Variants in NUDT4 observed in about 807,000 individuals in gnomAD.
The protein encoded by NUDT4 is diphosphoinositol polyphosphate phosphohydrolase 2.
Under a neutral mutation model 23.1 loss-of-function variants are expected in NUDT4, and 5 were observed. The observed-to-expected ratio is 0.22, with a 90% CI of 0.11 to 0.46. NUDT4 has a LOEUF of 0.46. NUDT4 is among the 20% of genes least tolerant of loss of function. The pLI is 0.99. For synonymous variants in NUDT4, 50 were observed against 79.0 expected, an observed-to-expected ratio of 0.63 and a Z score of 1.95; for missense variants, 96 against 211.6, an observed-to-expected ratio of 0.45 and a Z score of 3.39.
intron 1 of NUDT4, among the ~76,000 whole-genome samples, chr12:93,390,553 C>A (rs1197667917): frequency 6.6e-6 from 1 of 151,796 alleles, no homozygotes; most frequent in Non-Finnish European, 1.5e-5. Context: ...TTTTAATTTT[C>A]TTTTTCTAAT....
chr12:93,389,642 C>T (rs1876342808), intron 1 of NUDT4, among the ~76,000 whole-genome samples: 1 of 151,734 alleles, frequency 6.6e-6, no homozygotes, highest in South Asian at 2.1e-4. Context: ...GTGGCTGACA[C>T]CTGTAACCCC....
rs1478631602 is a variant in NUDT4, at chr12:93,404,938, CATTT to C, written c.*5560_*5563del. On this transcript the variant is annotated 3_prime_UTR_variant, in exon 5 of 5. Transcript: ENST00000415493. Reference sequence around the variant, plus strand: ...TTTTTTTTAAAAAAAATACTATGCCCATTTGTTTACAAATCGTCTGTGGGTGCTT... The same window carrying C: ...TTTTTTTTAAAAAAAATACTATGCCCGTTTACAAATCGTCTGTGGGTGCTT... 1 of 151,170 alleles carries C rather than the reference CATTT, an allele frequency of 6.6e-6. No homozygotes were observed. The highest frequency in any genetic ancestry group is 6.6e-5 in the Admixed American group (1 of 15,198). The allele number at this position is 151,170 out of a possible 1,614,324, so 9.4% of individuals were successfully genotyped here.
chr12:93,392,824 A>G (rs1194663005), intron 1 of NUDT4, among the ~76,000 whole-genome samples: 2 of 129,928 alleles, frequency 1.5e-5, no homozygotes, highest in African/African-American at 5.7e-5. Context: ...GATTACAGGC[A>G]TGCACCACCA....
At chr12:93,382,777 C>T (rs950765696) in intron 1 of NUDT4, among the ~76,000 whole-genome samples, 1 of 149,384 alleles carries the variant, frequency 6.7e-6, no homozygotes, top group African/African-American at 2.5e-5. Context: ...TCCAGGTTCA[C>T]GCCATTCTCA....
chr12:93,407,750 A>T lies in NUDT4; in HGVS notation c.*8371A>T, dbSNP rs1269651610. 6.6e-6 allele frequency: 1 copy of T among 152,222 alleles called. No individual in the cohort carries two copies. Among genetic ancestry groups the T allele is most frequent in the Non-Finnish European group, 1.5e-5 (1 of 68,032 alleles). The allele number at this position is 152,222 out of a possible 1,614,324, so 9.4% of individuals were successfully genotyped here. A position where few individuals can be genotyped will look rare whatever the true frequency, so the allele number is the denominator to read the frequency against. ...CCACACTGTGTGGGCCAGGGAAAAC[A>T]GGCCCAAAGGCCAGGTGAAGCTGCA... On this transcript the variant is annotated 3_prime_UTR_variant, in exon 5 of 5. Coordinates refer to ENST00000415493, the MANE Select transcript of NUDT4 (RefSeq NM_019094.6).
chr12:93,391,559 C>A (rs1305617663), intron 1 of NUDT4, among the ~76,000 whole-genome samples: 1 of 108,822 alleles, frequency 9.2e-6, no homozygotes, highest in Admixed American at 9.4e-5. Flanking sequence ...GACGAGACTC[C>A]ATTTCAAAAA....
At chr12:93,378,603 G>A in intron 1 of NUDT4, 182 bp downstream of exon 1, 1 of 1,266,074 alleles carries the variant, frequency 7.9e-7, no homozygotes, top group Non-Finnish European at 1.0e-6. Flanking sequence ...TCTCTGGGCT[G>A]ATAGATGAGA....
At position 93,392,253 on chromosome 12, in the gene NUDT4, C is replaced by CG. The variant is rs763253750; in HGVS notation, c.100-2356_100-2355insG. ...AAATATTCCTTTGTTTCCCCCCCCCCCTTTTTTTTTTCCTTTTTTTGAGAC... is the reference window on the plus strand; with the variant it reads ...AAATATTCCTTTGTTTCCCCCCCCCCGCTTTTTTTTTTCCTTTTTTTGAGAC... On this transcript the variant is annotated intron_variant, in intron 1 of 4. Coordinates refer to ENST00000415493, the MANE Select transcript of NUDT4 (RefSeq NM_019094.6). Among the ~76,000 whole-genome samples, 170 of 137,804 alleles carry CG rather than the reference C, an allele frequency of 1.2e-3. 1 individual carries two copies. Among genetic ancestry groups the CG allele is most frequent in the East Asian group, 0.012 (49 of 4,068 alleles). 90.4% of individuals were successfully genotyped at this position (137,804 alleles called of 152,430 possible).
At chr12:93,381,081 A>G (rs1390029053) in intron 1 of NUDT4, 1 of 152,240 alleles carries the variant, frequency 6.6e-6, no homozygotes, top group African/African-American at 2.4e-5. Context: ...GGTTGTTCTA[A>G]GAGCAGAGTT....
At chr12:93,386,994 C>G (rs750980871) in intron 1 of NUDT4, among the ~76,000 whole-genome samples, 1 of 152,070 alleles carries the variant, frequency 6.6e-6, no homozygotes, top group African/African-American at 2.4e-5. Context: ...AATGCAGTTG[C>G]GCTATCTCAG....
At chr12:93,381,940 G>A (rs1875689178) in intron 1 of NUDT4, among the ~76,000 whole-genome samples, 1 of 152,128 alleles carries the variant, frequency 6.6e-6, no homozygotes, top group African/African-American at 2.4e-5. Context: ...TGCAAGAGAG[G>A]CATTAACAAA....
chr12:93,398,743 A>C, intron 3 of NUDT4, 28 bp from the exon 4 acceptor site: 1 of 1,516,288 alleles, frequency 6.6e-7, no homozygotes, highest in East Asian at 2.3e-5. Flanking sequence ...CTGTAGATTA[A>C]AATGCATTTC....
chr12:93,379,380 A>G (rs1158648422), intron 1 of NUDT4, among the ~76,000 whole-genome samples: 1 of 152,218 alleles, frequency 6.6e-6, no homozygotes, highest in Non-Finnish European at 1.5e-5. Context: ...AGGTGAAAAA[A>G]ATTAACATTC....
intron 1 of NUDT4, among the ~76,000 whole-genome samples, chr12:93,385,941 T>TATATATATATATATATATATATATA (rs1565777284): frequency 1.9e-5 from 2 of 104,600 alleles, no homozygotes; most frequent in East Asian, 3.4e-4. Flanking sequence ...GTAAATCTTT[T>TATATATATATATATATATATATATA]TATATATATA....
intron 1 of NUDT4, chr12:93,378,808 G>A: frequency 1.0e-6 from 1 of 996,478 alleles, no homozygotes; most frequent in Middle Eastern, 5.1e-4. Context: ...TTGCAGCAGA[G>A]CCCTTGTGCC....
At chr12:93,385,596 A>G (rs1021631933) in intron 1 of NUDT4, among the ~76,000 whole-genome samples, 3 of 152,078 alleles carry the variant, frequency 2.0e-5, no homozygotes, top group Non-Finnish European at 4.4e-5. Flanking sequence ...CCATCTTTAG[A>G]GCATTAATTA....
intron 1 of NUDT4, among the ~76,000 whole-genome samples, chr12:93,393,216 C>T (rs1280223502): frequency 6.9e-6 from 1 of 144,546 alleles, no homozygotes; most frequent in Non-Finnish European, 1.5e-5. Context: ...ATTCTCATGC[C>T]TCAGTCTCCC....
In NUDT4 at chr12:93,388,662, T is replaced by A. The variant is rs570436817; in HGVS notation, c.100-5947T>A. Among the ~76,000 whole-genome samples, 6 of 152,360 alleles carry A rather than the reference T, an allele frequency of 3.9e-5. No homozygotes were observed. In the East Asian group the frequency reaches 9.6e-4, roughly 24 times the overall value. ...TTTCCTGCTAGCCCATTTTCATGATTCTGATTTTCTTTCGAAAAGCATTTT... is the reference window on the plus strand; with the variant it reads ...TTTCCTGCTAGCCCATTTTCATGATACTGATTTTCTTTCGAAAAGCATTTT... On this transcript the variant is annotated intron_variant, in intron 1 of 4. Coordinates refer to ENST00000415493, the MANE Select transcript of NUDT4 (RefSeq NM_019094.6).
chr12:93,398,118 G>A (rs1361221303), intron 3 of NUDT4, among the ~76,000 whole-genome samples: 1 of 151,912 alleles, frequency 6.6e-6, no homozygotes, highest in East Asian at 1.9e-4. Flanking sequence ...CGAGGTGGGT[G>A]GATCATGAGG....
Sources: gnomAD v4.1 joint callset for allele counts (sites outside exome capture counted in the v4.1 genomes callset) on GRCh38, gnomAD v4.1.1 for gene constraint, MANE v1.5 for transcripts, NCBI Gene and HGNC (gene_info 2026-07-23, HGNC 2026-07-21) for gene names.